ZFYVE28: variants seen among roughly 807,000 people sequenced by gnomAD.
ZFYVE28 encodes the protein lateral signaling target protein 2 homolog.
A neutral mutation model predicts 82.1 loss-of-function variants in ZFYVE28; 40 were observed. The ratio of observed to expected loss-of-function variants is 0.49; its 90% CI spans 0.38 to 0.63. The LOEUF (loss-of-function observed/expected upper bound fraction) is 0.63. Ranked by LOEUF, ZFYVE28 falls within the 30% of genes least tolerant of loss-of-function variation. The pLI is 0.00. For missense variants in ZFYVE28, 1,321 were observed against 1,242.1 expected (o/e 1.06, Z -0.96); for synonymous variants, 612 against 546.1 (o/e 1.12, Z -1.68).
At chr4:2,410,032 T>A (rs928368999) in intron 1 of ZFYVE28, among the ~76,000 whole-genome samples, 5 of 152,230 alleles carry the variant, frequency 3.3e-5, no homozygotes, top group African/African-American at 1.2e-4. Flanking sequence ...TATTTTTTTT[T>A]ATTCAGGGGC....
chr4:2,308,667 A>AAG (rs1282717615), intron 7 of ZFYVE28, among the ~76,000 whole-genome samples: 3,344 of 99,596 alleles, frequency 0.034, 35 homozygotes, highest in African/African-American at 0.039. Flanking sequence ...GAAAGAAAGA[A>AAG]AGAAAGAAAG....
chr4:2,282,697 G>T (rs1712118343), intron 8 of ZFYVE28, among the ~76,000 whole-genome samples: 1 of 152,222 alleles, frequency 6.6e-6, no homozygotes, highest in African/African-American at 2.4e-5. Context: ...GTCTGTGAAA[G>T]AAGAGAATGC....
At chr4:2,384,810 G>A (rs1001577571) in intron 1 of ZFYVE28, among the ~76,000 whole-genome samples, 23 of 152,286 alleles carry the variant, frequency 1.5e-4, no homozygotes, top group African/African-American at 5.3e-4. Flanking sequence ...TCACTCACCT[G>A]GAGTGTGAGA....
chr4:2,339,662 G>T lies in ZFYVE28; in HGVS notation c.319-7C>A, dbSNP rs755927393. On this transcript the variant is annotated splice_region_variant and splice_polypyrimidine_tract_variant and intron_variant, in intron 3 of 12. Transcript: ENST00000290974. This position sits in a 1 kb window ranked among gnomAD's most constrained non-coding sequence, Gnocchi z 5.0. ...TGGAGCCGGCGGCCAGGCACTGCGGGAGGGGACACACTCAGGGAGGGGCCC... is the reference window on the plus strand; with the variant it reads ...TGGAGCCGGCGGCCAGGCACTGCGGTAGGGGACACACTCAGGGAGGGGCCC... 9 of 1,589,098 alleles carry T rather than the reference G, an allele frequency of 5.7e-6. No individual in the cohort carries two copies. Among genetic ancestry groups the T allele is most frequent in the Non-Finnish European group, 7.7e-6 (9 of 1,169,274 alleles).
At chr4:2,295,404 C>T (rs1714396069) in intron 8 of ZFYVE28, among the ~76,000 whole-genome samples, 1 of 152,022 alleles carries the variant, frequency 6.6e-6, no homozygotes, top group Admixed American at 6.6e-5. Context: ...CTCCTGACCT[C>T]AAGTGATCTG....
At chr4:2,350,411 C>T (rs1226691379) in intron 2 of ZFYVE28, among the ~76,000 whole-genome samples, 1 of 151,966 alleles carries the variant, frequency 6.6e-6, no homozygotes, top group Non-Finnish European at 1.5e-5. Flanking sequence ...TTGGACTGAG[C>T]CGAGATCGCG....
At chr4:2,304,118 TCCTGCC>T (rs1400360307) in intron 8 of ZFYVE28, among the ~76,000 whole-genome samples, 165 bp downstream of exon 8, 1 of 152,192 alleles carries the variant, frequency 6.6e-6, no homozygotes, top group Non-Finnish European at 1.5e-5. Flanking sequence ...TGCAGCCAGC[TCCTGCC>T]CCTGCCCCTC....
chr4:2,310,819 G>C (rs933329275), intron 7 of ZFYVE28, among the ~76,000 whole-genome samples: 2 of 152,124 alleles, frequency 1.3e-5, no homozygotes, highest in Non-Finnish European at 2.9e-5. Flanking sequence ...TATAAAAAAA[G>C]TTAGAAAATG....
chr4:2,359,078 C>T (rs1361309900), intron 1 of ZFYVE28, among the ~76,000 whole-genome samples: 1 of 151,728 alleles, frequency 6.6e-6, no homozygotes, highest in Non-Finnish European at 1.5e-5. Context: ...GGGTTCACAC[C>T]ATTCTCCTGC....
At chr4:2,312,992 C>T (rs1347989498) in intron 7 of ZFYVE28, among the ~76,000 whole-genome samples, 1 of 151,496 alleles carries the variant, frequency 6.6e-6, no homozygotes, top group Non-Finnish European at 1.5e-5. Context: ...TTGCAGTGAG[C>T]CAAGATCATG....
Position 2,304,861 on chromosome 4 carries a change from C to A in ZFYVE28, c.1479G>T (p.Val493=). 1 of 1,612,654 alleles carries A rather than the reference C, an allele frequency of 6.2e-7. No individual in the cohort carries two copies. Among genetic ancestry groups the A allele is most frequent in the Non-Finnish European group, 8.5e-7 (1 of 1,179,854 alleles). Residue 493 remains valine (V), a synonymous_variant, in exon 8 of 13, where the codon GTG becomes GTT. Transcript: ENST00000290974. ...CAGCCGTCTCTGCGTCATCCGCACC[C>A]ACCTCCCAGCCGTCCAGGTGCAGCC... The part of the protein sequence containing the change: ...DSRLHLDGWE[V]GADDAETAEM...
At chr4:2,348,291 T>C (rs973250402) in intron 2 of ZFYVE28, among the ~76,000 whole-genome samples, 1 of 152,200 alleles carries the variant, frequency 6.6e-6, no homozygotes, top group African/African-American at 2.4e-5. Context: ...CCTATATTTA[T>C]TCAAGAAATT....
In ZFYVE28 at chr4:2,270,398, G is replaced by A. The variant is rs1448724520; in HGVS notation, c.*327C>T. 3.9e-5 allele frequency: 14 copies of A among 362,344 alleles called. No individual in the cohort carries two copies. Among genetic ancestry groups the A allele is most frequent in the South Asian group, 1.2e-4 (4 of 32,684 alleles). 22.4% of individuals were successfully genotyped at this position (362,344 alleles called of 1,614,324 possible). ...CTTGTCCACCTCCATCACCCGCCCCGATTCCCATAGCCCCAGCAGATCTCC... is the reference window on the plus strand; with the variant it reads ...CTTGTCCACCTCCATCACCCGCCCCAATTCCCATAGCCCCAGCAGATCTCC... On this transcript the variant is annotated 3_prime_UTR_variant, in exon 13 of 13. Coordinates refer to ENST00000290974, the MANE Select transcript of ZFYVE28 (RefSeq NM_020972.3).
intron 8 of ZFYVE28, among the ~76,000 whole-genome samples, chr4:2,283,003 A>G (rs942862858): frequency 6.6e-6 from 1 of 152,184 alleles, no homozygotes; most frequent in Non-Finnish European, 1.5e-5. Context: ...GGATGTGGGA[A>G]AATTAGCAGC....
At chr4:2,361,061 A>G (rs974251191) in intron 1 of ZFYVE28, among the ~76,000 whole-genome samples, 2 of 152,256 alleles carry the variant, frequency 1.3e-5, no homozygotes, top group African/African-American at 4.8e-5. Flanking sequence ...ATTGTAAAAG[A>G]ATAAATTAGA....
In ZFYVE28 at chr4:2,339,389, C is replaced by T. The variant is rs1026591250; in HGVS notation, c.521+64G>A. The T allele has an allele frequency of 1.0e-5, 16 of 1,544,322 alleles. No homozygotes were observed. The South Asian group carries it at 1.2e-4, about 12-fold the overall frequency. On this transcript the variant is annotated intron_variant, in intron 4 of 12. Transcript: ENST00000290974. This position sits in a 1 kb window ranked among gnomAD's most constrained non-coding sequence, Gnocchi z 5.0. ...CAGCTTGAAGTATCAGGGTGAGCCCCGGAAGCTGGCACAACCGTCCCCCAG... is the reference window on the plus strand; with the variant it reads ...CAGCTTGAAGTATCAGGGTGAGCCCTGGAAGCTGGCACAACCGTCCCCCAG...
chr4:2,282,780 T>C (rs1712126154), intron 8 of ZFYVE28, among the ~76,000 whole-genome samples: 1 of 152,126 alleles, frequency 6.6e-6, no homozygotes. Context: ...TTTTGAACTC[T>C]TGAAACCATT....
At chr4:2,379,275 A>G (rs1339139633) in intron 1 of ZFYVE28, among the ~76,000 whole-genome samples, 1 of 152,208 alleles carries the variant, frequency 6.6e-6, no homozygotes, top group Non-Finnish European at 1.5e-5. Context: ...CTCATCTACC[A>G]AGAAAAGGAA....
In ZFYVE28 at chr4:2,270,758, G is replaced by A. The variant is rs1577835324; in HGVS notation, c.2631C>T (p.Val877=). 1.2e-6 allele frequency: 2 copies of A among 1,613,126 alleles called. No homozygotes were observed. Among genetic ancestry groups the A allele is most frequent in the African/African-American group, 2.7e-5 (2 of 74,940 alleles). Reference sequence around the variant, plus strand: ...CGGCCTTGTCGCTGTAGAAGGGCGTGACATGGAACATGTAGCAGTGGGTGC... The same window carrying A: ...CGGCCTTGTCGCTGTAGAAGGGCGTAACATGGAACATGTAGCAGTGGGTGC... The part of the protein sequence containing the change: ...RVCTHCYMFH[V]TPFYSDKAGL Residue 877 remains valine (V), a synonymous_variant, in exon 13 of 13, where the codon GTC becomes GTT. Coordinates refer to ENST00000290974, the MANE Select transcript of ZFYVE28 (RefSeq NM_020972.3).
Sources: gnomAD v4.1 joint callset for allele counts (sites outside exome capture counted in the v4.1 genomes callset) on GRCh38, gnomAD v4.1.1 for gene constraint, Gnocchi (gnomAD v3.1) non-coding constraint, MANE v1.5 for transcripts, NCBI Gene and HGNC (gene_info 2026-07-23, HGNC 2026-07-21) for gene names.